The following ZHX2 variants were observed in gnomAD, a reference collection of about 807,000 sequenced individuals.
ZHX2 encodes zinc fingers and homeoboxes 2.
In ZHX2, 6 loss-of-function variants were observed where a neutral mutation model predicts 21.9. That is an observed-to-expected ratio of 0.27 (90% CI 0.15 to 0.54). The LOEUF (loss-of-function observed/expected upper bound fraction) is 0.54. Among genes scored for constraint, ZHX2 ranks in the 20% least tolerant of loss-of-function variants. The probability of loss-of-function intolerance (pLI) is 0.95; values close to 1 mark genes in which losing one functional copy is unlikely to be tolerated. For synonymous variants in ZHX2, 434 were observed against 437.1 expected, an observed-to-expected ratio of 0.99 and a Z score of 0.09; for missense variants, 908 against 1,090.7, an observed-to-expected ratio of 0.83 and a Z score of 2.36.
chr8:122,902,416 C>T (rs28623133), intron 2 of ZHX2, among the ~76,000 whole-genome samples: 10 of 152,316 alleles, frequency 6.6e-5, no homozygotes, highest in African/African-American at 2.4e-4. Context: ...GTTGCATGAC[C>T]TCTCTGTGCC....
At chr8:122,827,665 A>C (rs886531851) in intron 1 of ZHX2, among the ~76,000 whole-genome samples, 6 of 152,250 alleles carry the variant, frequency 3.9e-5, no homozygotes, top group Non-Finnish European at 8.8e-5. Flanking sequence ...TTAGGGGGTG[A>C]AAAAGGAGAG....
chr8:122,804,865 G>A lies in ZHX2; in HGVS notation c.-283+22919G>A, dbSNP rs542638115. 1.3e-3 allele frequency among the ~76,000 whole-genome samples: 201 copies of A among 152,204 alleles called. 1 individual carries two copies. Among genetic ancestry groups the A allele is most frequent in the African/African-American group, 4.3e-3 (179 of 41,518 alleles). Reference sequence around the variant, plus strand: ...TGTTTTCTTTCCAACATACAATGCCGTGTCTGGAGCTGAAACTAGAACACA... The same window carrying A: ...TGTTTTCTTTCCAACATACAATGCCATGTCTGGAGCTGAAACTAGAACACA... On this transcript the variant is annotated intron_variant, in intron 1 of 3. Transcript: ENST00000314393.
intron 1 of ZHX2, among the ~76,000 whole-genome samples, chr8:122,799,854 TTTTTCTTTTTGC>T (rs1817682433): frequency 6.6e-6 from 1 of 152,194 alleles, no homozygotes; most frequent in Non-Finnish European, 1.5e-5. Flanking sequence ...TTTTCTTTTC[TTTTTCTTTTTGC>T]TTTTCTTTTT....
chr8:122,853,767 C>T (rs952345121), intron 1 of ZHX2, among the ~76,000 whole-genome samples: 11 of 152,092 alleles, frequency 7.2e-5, no homozygotes, highest in African/African-American at 2.7e-4. Context: ...TCTCCCCATG[C>T]CCTTTTCCCC....
chr8:122,817,151 T>C (rs1466378120), intron 1 of ZHX2, among the ~76,000 whole-genome samples: 3 of 152,182 alleles, frequency 2.0e-5, no homozygotes, highest in African/African-American at 7.2e-5. Flanking sequence ...GAAAATGTAA[T>C]GTAACTGCAT....
rs1813550276 is a variant in ZHX2 at position 122,965,156 on chromosome 8, G to T, written c.*5-8086G>T. 2.0e-5 allele frequency among the ~76,000 whole-genome samples: 3 copies of T among 148,814 alleles called. No homozygotes were observed. In the South Asian group the frequency reaches 6.4e-4, roughly 32 times the overall value. On this transcript the variant is annotated intron_variant, in intron 3 of 3. Coordinates refer to ENST00000314393, the MANE Select transcript of ZHX2 (RefSeq NM_014943.5). ...TTTTCTTTTAATTTCATTTGGTTCT[G>T]CTCTAATCTTTGTTATTTCTTTTCT...
intron 2 of ZHX2, among the ~76,000 whole-genome samples, chr8:122,944,136 T>C (rs1225468589): frequency 2.0e-5 from 3 of 152,204 alleles, no homozygotes; most frequent in Non-Finnish European, 4.4e-5. Context: ...GAAGCCCTGC[T>C]TATCCAGGAG....
chr8:122,818,545 G>A (rs1272224161), intron 1 of ZHX2, among the ~76,000 whole-genome samples: 1 of 152,180 alleles, frequency 6.6e-6, no homozygotes, highest in Non-Finnish European at 1.5e-5. Context: ...TGGCTAGCTT[G>A]AGGGGTGGCC....
At chr8:122,784,111 G>C (rs1817347997) in intron 1 of ZHX2, among the ~76,000 whole-genome samples, 1 of 152,166 alleles carries the variant, frequency 6.6e-6, no homozygotes. Flanking sequence ...CTGAAGAAAG[G>C]GTATTCCTGT....
chr8:122,934,745 A>G (rs1461907928), intron 2 of ZHX2, among the ~76,000 whole-genome samples: 6 of 150,540 alleles, frequency 4.0e-5, no homozygotes, highest in Admixed American at 3.3e-4. Context: ...GCTGGGTGCA[A>G]TGGCACAATC....
rs36092924 is a variant in ZHX2 at position 122,952,515 on chromosome 8, C to T, written c.1005C>T (p.Asn335=). The T allele has an allele frequency of 2.9e-3, 4,753 of 1,614,170 alleles. 18 individuals are homozygous for T. Among genetic ancestry groups the T allele is most frequent in the African/African-American group, 0.019 (1,403 of 75,046 alleles). Residue 335 remains asparagine (N), a synonymous_variant, in exon 3 of 4, where the codon AAC becomes AAT. Transcript: ENST00000314393. The surrounding 1 kb of genome is among the most constrained non-coding windows in gnomAD (Gnocchi z 6.9). ...AGGAGGCCCGGAAGAAGATGTTCAACGGCACCATCCAGTCAGTACCCCCGA... is the reference window on the plus strand; with the variant it reads ...AGGAGGCCCGGAAGAAGATGTTCAATGGCACCATCCAGTCAGTACCCCCGA... ...EVEEARKKMF[N]GTIQSVPPTI... is the part of the protein sequence containing the mutation.
chr8:122,968,004 G>A (rs1813626381), intron 3 of ZHX2, among the ~76,000 whole-genome samples: 1 of 152,060 alleles, frequency 6.6e-6, no homozygotes, highest in South Asian at 2.1e-4. Flanking sequence ...CTTGGGCAGG[G>A]CTTCATGTTA....
In ZHX2 at chr8:122,952,760, A is replaced by G. The variant is rs1441350663; in HGVS notation, c.1250A>G (p.Glu417Gly). Reference sequence around the variant, plus strand: ...TTGGTGACTCCCCAAGCTGCCCCCGAACCCAAGCGTCCACACATCGCTCAG... The same window carrying G: ...TTGGTGACTCCCCAAGCTGCCCCCGGACCCAAGCGTCCACACATCGCTCAG... ...RPLVTPQAAP[E>G]PKRPHIAQVP... The change falls in exon 3 of 4, where the codon GAA becomes GGA. Residue 417 changes from glutamate to glycine, a missense_variant. Transcript: ENST00000314393. The surrounding 1 kb of genome is among the most constrained non-coding windows in gnomAD (Gnocchi z 6.9). The G allele has an allele frequency of 2.5e-6, 4 of 1,613,946 alleles. No homozygotes were observed. In the South Asian group the frequency reaches 4.4e-5, roughly 18 times the overall value.
intron 1 of ZHX2, among the ~76,000 whole-genome samples, chr8:122,836,363 C>T (rs1341464391): frequency 6.6e-6 from 1 of 152,206 alleles, no homozygotes; most frequent in East Asian, 1.9e-4. Context: ...TGAGGAGCTT[C>T]CTTTGTCCGG....
chr8:122,810,399 TG>T (rs1160566718), intron 1 of ZHX2: 1 of 152,236 alleles, frequency 6.6e-6, no homozygotes, highest in African/African-American at 2.4e-5. Flanking sequence ...ATCATTTCAC[TG>T]TGGTCAGAGA....
chr8:122,956,659 C>T (rs575874503), intron 3 of ZHX2, among the ~76,000 whole-genome samples: 14 of 152,232 alleles, frequency 9.2e-5, no homozygotes, highest in South Asian at 4.1e-4. Flanking sequence ...AGTTTGGGTT[C>T]GGTAAAGGAT....
chr8:122,799,099 G>A (rs1563734210), intron 1 of ZHX2, among the ~76,000 whole-genome samples: 1 of 152,186 alleles, frequency 6.6e-6, no homozygotes, highest in Admixed American at 6.5e-5. Context: ...GACACAAACA[G>A]CACTGCCCCC....
intron 1 of ZHX2, among the ~76,000 whole-genome samples, chr8:122,788,006 C>T (rs988103113): frequency 2.0e-5 from 3 of 152,132 alleles, no homozygotes; most frequent in Non-Finnish European, 2.9e-5. Flanking sequence ...GCCATCTCAT[C>T]CCCCACAGCC....
In ZHX2 at chr8:122,857,841, A is replaced by C. The variant is rs552145583; in HGVS notation, c.-282-5636A>C. 7.2e-5 allele frequency among the ~76,000 whole-genome samples: 11 copies of C among 152,362 alleles called. No individual in the cohort carries two copies. In the East Asian group the frequency reaches 2.1e-3, roughly 29 times the overall value. ...CTGCACTTCACAGTTGCTGTAAAAA[A>C]GGGAGATAAGGCTTAAGACCCACCC... is the stretch of plus-strand genomic sequence containing the variant. On this transcript the variant is annotated intron_variant, in intron 1 of 3. Transcript: ENST00000314393.
Sources: allele counts gnomAD v4.1 joint callset (sites outside exome capture counted in the v4.1 genomes callset), GRCh38; gene constraint gnomAD v4.1.1; non-coding constraint Gnocchi (gnomAD v3.1); transcripts MANE v1.5; gene names NCBI Gene and HGNC (gene_info 2026-07-23, HGNC 2026-07-21).